CEP112: variants seen among roughly 807,000 people sequenced by gnomAD.
CEP112 encodes centrosomal protein 112.
CEP112 carries 127 observed loss-of-function variants against 153.0 expected under a neutral mutation model. The ratio of observed to expected loss-of-function variants is 0.83; its 90% CI spans 0.72 to 0.96. The LOEUF is 0.96. Ranked by LOEUF, CEP112 falls within the 40% of genes least tolerant of loss-of-function variation. The probability of loss-of-function intolerance (pLI) is 0.00; values close to 1 mark genes in which losing one functional copy is unlikely to be tolerated. For synonymous variants in CEP112, 358 were observed against 374.4 expected, an observed-to-expected ratio of 0.96 and a Z score of 0.51; for missense variants, 1,089 against 1,101.2, an observed-to-expected ratio of 0.99 and a Z score of 0.16.
chr17:66,125,198 T>C (rs543596508), intron 6 of CEP112, among the ~76,000 whole-genome samples: 3 of 152,372 alleles, frequency 2.0e-5, no homozygotes, highest in East Asian at 3.9e-4. Context: ...AAAGTATTAA[T>C]TTTTTATGTA....
chr17:66,000,153 T>G (rs12953275), intron 17 of CEP112, among the ~76,000 whole-genome samples: 2 of 151,660 alleles, frequency 1.3e-5, no homozygotes, highest in Non-Finnish European at 1.5e-5. Flanking sequence ...TGCCACACTG[T>G]CTTCCAATGG....
At chr17:65,868,397 G>A (rs770008807) in intron 20 of CEP112, among the ~76,000 whole-genome samples, 6 of 152,036 alleles carry the variant, frequency 3.9e-5, no homozygotes, top group Non-Finnish European at 8.8e-5. Context: ...GTACTCGAGA[G>A]GCTGAGGCAG....
At chr17:65,998,664 G>A (rs1041518666) in intron 17 of CEP112, among the ~76,000 whole-genome samples, 4 of 151,626 alleles carry the variant, frequency 2.6e-5, no homozygotes, top group African/African-American at 7.3e-5. Flanking sequence ...TAATATAGTC[G>A]TTATAATAAT....
chr17:65,660,312 CT>C (rs2046295070), intron 24 of CEP112, among the ~76,000 whole-genome samples: 1 of 112,076 alleles, frequency 8.9e-6, no homozygotes. Flanking sequence ...TTCTCTCTTT[CT>C]TTCTTCCTTT....
At chr17:65,804,136 G>A (rs2055444561) in intron 21 of CEP112, among the ~76,000 whole-genome samples, 1 of 151,942 alleles carries the variant, frequency 6.6e-6, no homozygotes, top group African/African-American at 2.4e-5. Flanking sequence ...AAACGAGTTG[G>A]GATTAATTAC....
At chr17:66,073,047 C>A (rs1342414594) in intron 8 of CEP112, among the ~76,000 whole-genome samples, 2 of 152,108 alleles carry the variant, frequency 1.3e-5, no homozygotes, top group Non-Finnish European at 2.9e-5. Context: ...GGAAGCCTGA[C>A]TTCAAAAAAC....
chr17:65,970,736 G>C (rs2062709657), intron 17 of CEP112, among the ~76,000 whole-genome samples: 1 of 62,828 alleles, frequency 1.6e-5, no homozygotes, highest in Admixed American at 2.5e-4. Flanking sequence ...TCACATGCAT[G>C]TGTTAATACA....
chr17:66,028,179 C>A, intron 15 of CEP112, 134 bp downstream of exon 15: 1 of 567,196 alleles, frequency 1.8e-6, no homozygotes, highest in Non-Finnish European at 3.1e-6. Context: ...TAAAATTATA[C>A]AATGCGATAA....
At position 65,918,179 on chromosome 17, in the gene CEP112, C is replaced by CA. The variant is rs55755336; in HGVS notation, c.1980+9402dup. 5.8e-3 allele frequency among the ~76,000 whole-genome samples: 676 copies of CA among 116,976 alleles called. 7 individuals are homozygous for CA. Among genetic ancestry groups the CA allele is most frequent in the African/African-American group, 0.014 (434 of 31,122 alleles). The allele number at this position is 116,976 out of a possible 152,430, so 76.7% of individuals were successfully genotyped here. A position where few individuals can be genotyped will look rare whatever the true frequency, so the allele number is the denominator to read the frequency against. On this transcript the variant is annotated intron_variant, in intron 19 of 26. Coordinates refer to ENST00000535342, the MANE Select transcript of CEP112 (RefSeq NM_001199165.4). The stretch of plus-strand genomic sequence containing the variant: ...TGAGTGACAGAGCAAGACTCTGTCT[C>CA]AAAAAAAAAAAAAAATTAAAATTAA...
intron 21 of CEP112, among the ~76,000 whole-genome samples, chr17:65,807,312 T>A (rs2055667390): frequency 6.6e-6 from 1 of 152,218 alleles, no homozygotes. Context: ...AACAAAGAGA[T>A]GTTCTGAAAT....
intron 23 of CEP112, among the ~76,000 whole-genome samples, chr17:65,729,844 T>C (rs1273466309): frequency 6.6e-6 from 1 of 152,090 alleles, no homozygotes; most frequent in African/African-American, 2.4e-5. Flanking sequence ...GCCCAGGAGT[T>C]GGAGGCTGCA....
intron 23 of CEP112, among the ~76,000 whole-genome samples, chr17:65,701,721 C>T (rs2048640752): frequency 6.6e-6 from 1 of 152,070 alleles, no homozygotes; most frequent in South Asian, 2.1e-4. Flanking sequence ...CAAGACTAAA[C>T]TCATAATTTT....
At chr17:66,180,830 T>C (rs894129549) in intron 2 of CEP112, among the ~76,000 whole-genome samples, 1 of 152,176 alleles carries the variant, frequency 6.6e-6, no homozygotes, top group African/African-American at 2.4e-5. Context: ...ACAAAGGTCA[T>C]ATTCATTTAT....
At chr17:65,895,691 C>T (rs924569400) in intron 20 of CEP112, among the ~76,000 whole-genome samples, 3 of 152,052 alleles carry the variant, frequency 2.0e-5, no homozygotes, top group African/African-American at 7.2e-5. Context: ...TTAAGAAGCC[C>T]TGGTTTGCTA....
At chr17:65,769,126 T>C (rs1038210854) in intron 21 of CEP112, among the ~76,000 whole-genome samples, 1 of 152,026 alleles carries the variant, frequency 6.6e-6, no homozygotes, top group Non-Finnish European at 1.5e-5. Flanking sequence ...ATCTGACATT[T>C]CTATACACAA....
chr17:66,056,630 T>C (rs1297395968), intron 11 of CEP112, among the ~76,000 whole-genome samples: 1 of 152,162 alleles, frequency 6.6e-6, no homozygotes, highest in Non-Finnish European at 1.5e-5. Flanking sequence ...AAGAAGCCAG[T>C]CACAAAATGC....
intron 21 of CEP112, among the ~76,000 whole-genome samples, chr17:65,809,885 G>A (rs570330142): frequency 1.1e-4 from 16 of 152,232 alleles, no homozygotes; most frequent in African/African-American, 3.6e-4. Context: ...GTTACTAAAG[G>A]AGATGGAGTA....
At chr17:65,886,317 T>G (rs564523553) in intron 20 of CEP112, among the ~76,000 whole-genome samples, 1 of 152,194 alleles carries the variant, frequency 6.6e-6, no homozygotes, top group African/African-American at 2.4e-5. Flanking sequence ...GAGTAAGAAG[T>G]TGCCATAAAA....
intron 17 of CEP112, among the ~76,000 whole-genome samples, chr17:65,994,906 T>A (rs1323752225): frequency 2.0e-5 from 3 of 152,136 alleles, no homozygotes; most frequent in Non-Finnish European, 4.4e-5. Context: ...ATTGGCCTAA[T>A]CACAAGTGAG....
Sources: allele counts gnomAD v4.1 joint callset (sites outside exome capture counted in the v4.1 genomes callset), GRCh38; gene constraint gnomAD v4.1.1; transcripts MANE v1.5; gene names NCBI Gene and HGNC (gene_info 2026-07-23, HGNC 2026-07-21).